The following USP34 variants were observed in gnomAD, a reference collection of about 807,000 sequenced individuals.
The protein encoded by USP34 is ubiquitin specific peptidase 34.
USP34 carries 70 observed loss-of-function variants against 460.3 expected under a neutral mutation model. The ratio of observed to expected loss-of-function variants is 0.15; its 90% CI spans 0.13 to 0.19. The LOEUF is 0.19. Ranked by LOEUF, USP34 falls within the 10% of genes least tolerant of loss-of-function variation. The pLI is 1.00. For missense variants in USP34, 3,985 were observed against 4,236.2 expected (o/e 0.94, Z 1.65); for synonymous variants, 1,647 against 1,405.3 (o/e 1.17, Z -3.85).
chr2:61,248,683 C>A lies in USP34; in HGVS notation c.6222G>T (p.Arg2074Ser). The part of the protein sequence containing the change: ...HCGKKVRAEK[R>S]ACFKKLPRIL... ...TGCGAGGCAATTTCTTAAAACATGC[C>A]CTGAGAGACAAGAAAAAAATTAATA... Residue 2074 changes from arginine (R) to serine (S), a missense_variant and splice_region_variant, in exon 49 of 80, where the codon AGG becomes AGT. Physicochemically the swap from Arg to Ser is moderately radical, Grantham distance 110. Coordinates refer to ENST00000398571, the MANE Select transcript of USP34 (RefSeq NM_014709.4). 6.5e-7 allele frequency: 1 copy of A among 1,541,606 alleles called. No individual in the cohort carries two copies. Among genetic ancestry groups the A allele is most frequent in the South Asian group, 1.2e-5 (1 of 80,984 alleles).
intron 1 of USP34, among the ~76,000 whole-genome samples, chr2:61,434,800 T>C (rs972278791): frequency 6.6e-6 from 1 of 151,360 alleles, no homozygotes; most frequent in Non-Finnish European, 1.5e-5. Context: ...GTAGAAACAA[T>C]GTAGAGAAAT....
chr2:61,354,986 T>C (rs1692061335), intron 10 of USP34, among the ~76,000 whole-genome samples: 1 of 152,176 alleles, frequency 6.6e-6, no homozygotes, highest in African/African-American at 2.4e-5. Context: ...CCTCTGTTGT[T>C]GCTGTATCCC....
chr2:61,412,189 C>CAAAAAA (rs10581550), intron 2 of USP34, among the ~76,000 whole-genome samples: 28 of 91,930 alleles, frequency 3.0e-4, no homozygotes, highest in Non-Finnish European at 4.4e-4. Context: ...AACTCCATCT[C>CAAAAAA]AAAAAAAAAA....
At chr2:61,468,127 T>C (rs1220223806) in intron 1 of USP34, among the ~76,000 whole-genome samples, 1 of 151,910 alleles carries the variant, frequency 6.6e-6, no homozygotes, top group Non-Finnish European at 1.5e-5. Context: ...AGCAAAGAAC[T>C]ACAGAAAAAA....
intron 12 of USP34, among the ~76,000 whole-genome samples, 194 bp from the exon 13 acceptor site, chr2:61,349,479 T>C (rs1280967694): frequency 6.6e-6 from 1 of 152,102 alleles, no homozygotes; most frequent in Non-Finnish European, 1.5e-5. Flanking sequence ...GTAGTATATG[T>C]TGTCAGGAGA....
chr2:61,262,323 A>G (rs185924174), intron 43 of USP34, among the ~76,000 whole-genome samples: 2 of 151,992 alleles, frequency 1.3e-5, no homozygotes, highest in Non-Finnish European at 2.9e-5. Flanking sequence ...TAGTTTTTCA[A>G]TCCTGTTCCT....
chr2:61,241,429 T>C (rs1458600871), intron 53 of USP34, 131 bp downstream of exon 53: 6 of 593,140 alleles, frequency 1.0e-5, no homozygotes, highest in East Asian at 3.1e-5. Flanking sequence ...CCAAGACTAT[T>C]TGTAAATACT....
Position 61,266,071 on chromosome 2 carries a change from C to T in USP34, c.5530G>A (p.Ala1844Thr), listed in dbSNP as rs779916455. The T allele has an allele frequency of 1.9e-5, 31 of 1,613,790 alleles. No homozygotes were observed. In the Middle Eastern group the frequency reaches 4.9e-4, roughly 26 times the overall value. The change falls in exon 42 of 80, where the codon GCT becomes ACT. Residue 1844 changes from alanine (A) to threonine (T), a missense_variant. Ala to Thr is a moderately conservative substitution (Grantham distance 58). Coordinates refer to ENST00000398571, the MANE Select transcript of USP34 (RefSeq NM_014709.4). ...KCKSHSSRAA[A>T]YDLLVEMVKG... ...ACCATCTCTACTAACAAATCGTAAG[C>T]GGCAGCTCTTGAAGAATGTGATTTG...
intron 35 of USP34, among the ~76,000 whole-genome samples, chr2:61,284,512 T>C (rs1277974499): frequency 2.0e-5 from 3 of 152,188 alleles, no homozygotes; most frequent in African/African-American, 7.2e-5. Flanking sequence ...ATATGAACTA[T>C]ATGTTAGATA....
At position 61,442,342 on chromosome 2, in the gene USP34, C is replaced by T. The variant is rs556105212; in HGVS notation, c.44-21509G>A. On this transcript the variant is annotated intron_variant, in intron 1 of 79. Coordinates refer to ENST00000398571, the MANE Select transcript of USP34 (RefSeq NM_014709.4). ...AACCTACAGAATGAGACAAACTATA[C>T]GCAAATTACTCATCTGAGGGGATTA... 1.2e-4 allele frequency among the ~76,000 whole-genome samples: 18 copies of T among 149,986 alleles called. No individual in the cohort carries two copies. The South Asian group carries it at 1.9e-3, about 16-fold the overall frequency.
At chr2:61,242,290 A>G (rs1415195108) in intron 51 of USP34, among the ~76,000 whole-genome samples, 5 of 152,138 alleles carry the variant, frequency 3.3e-5, no homozygotes, top group African/African-American at 1.2e-4. Context: ...ACCTCCACCA[A>G]TCCTTCACAA....
At chr2:61,279,697 C>G in intron 39 of USP34, among the ~76,000 whole-genome samples, 1 of 150,462 alleles carries the variant, frequency 6.6e-6, no homozygotes, top group East Asian at 1.9e-4. Context: ...ATCTTTTGAC[C>G]TTGTGATCCG....
chr2:61,388,096 C>G (rs964023347), intron 5 of USP34, among the ~76,000 whole-genome samples: 2 of 151,914 alleles, frequency 1.3e-5, no homozygotes, highest in African/African-American at 4.8e-5. Context: ...CAAAACCCCA[C>G]ATCTGCTTAG....
chr2:61,231,296 G>A (rs904259034), intron 58 of USP34, among the ~76,000 whole-genome samples: 4 of 151,738 alleles, frequency 2.6e-5, no homozygotes, highest in African/African-American at 9.7e-5. Context: ...TTTTTTTGGT[G>A]GGGGGTGGGG....
intron 79 of USP34, 63 bp from the exon 80 acceptor site, chr2:61,188,772 G>T (rs990448898): frequency 1.9e-6 from 3 of 1,573,608 alleles, no homozygotes; most frequent in African/African-American, 1.4e-5. Context: ...GTTAGGGGGG[G>T]ATGTGGGAAG....
In USP34 at chr2:61,236,992, T is replaced by C. The variant is rs568722862; in HGVS notation, c.6778-603A>G. ...ATACTTCTGATTTTATTTTGGAATT[T>C]TGGTTGGTCGGTTCATTTTGAGCTG... On this transcript the variant is annotated intron_variant, in intron 53 of 79. Transcript: ENST00000398571. 5.3e-5 allele frequency among the ~76,000 whole-genome samples: 8 copies of C among 152,324 alleles called. No individual in the cohort carries two copies. The South Asian group carries it at 1.5e-3, about 28-fold the overall frequency.
chr2:61,229,092 T>A (rs1442278944), intron 59 of USP34, 97 bp from the exon 60 acceptor site: 1 of 950,298 alleles, frequency 1.1e-6, no homozygotes, highest in Non-Finnish European at 1.4e-6. Context: ...TCTTTTATCT[T>A]TGAGATAATG....
At chr2:61,327,919 C>T (rs1326833220) in intron 20 of USP34, among the ~76,000 whole-genome samples, 15 of 152,170 alleles carry the variant, frequency 9.9e-5, no homozygotes, top group Admixed American at 9.8e-4. Context: ...CAGATTACTG[C>T]CTTAAAAGAA....
rs746207275 is a variant in USP34 at position 61,228,735 on chromosome 2, A to C, written c.7369-16T>G. ...AAAATTGGCTCTAAACAAACAAACA[A>C]ACAAAATTTAAAAATATAAAATAAA... is the stretch of plus-strand genomic sequence containing the variant. On this transcript the variant is annotated splice_polypyrimidine_tract_variant and intron_variant, in intron 60 of 79. Coordinates refer to ENST00000398571, the MANE Select transcript of USP34 (RefSeq NM_014709.4). The C allele has an allele frequency of 5.6e-6, 9 of 1,598,470 alleles. No homozygotes were observed. The South Asian group carries it at 1.0e-4, about 18-fold the overall frequency.
Sources: allele counts gnomAD v4.1 joint callset (sites outside exome capture counted in the v4.1 genomes callset), GRCh38; gene constraint gnomAD v4.1.1; transcripts MANE v1.5; gene names NCBI Gene and HGNC (gene_info 2026-07-23, HGNC 2026-07-21).